The following RAPGEF2 variants were observed in gnomAD, a reference collection of about 807,000 sequenced individuals.
RAPGEF2 encodes the protein Rap guanine nucleotide exchange factor 2.
In RAPGEF2, 54 loss-of-function variants were observed where a neutral mutation model predicts 186.7. That is an observed-to-expected ratio of 0.29 (90% CI 0.23 to 0.36). RAPGEF2 has a LOEUF of 0.36. Ranked by LOEUF, RAPGEF2 falls within the 10% of genes least tolerant of loss-of-function variation. The pLI, the probability that RAPGEF2 is intolerant of heterozygous loss-of-function variation, is 1.00. For synonymous variants in RAPGEF2, 712 were observed against 705.9 expected (o/e 1.01, Z -0.14); for missense variants, 1,532 against 2,045.0 (o/e 0.75, Z 4.84).
intron 1 of RAPGEF2, among the ~76,000 whole-genome samples, chr4:159,126,830 C>CCCGAG (rs1444075001): frequency 6.6e-6 from 1 of 152,048 alleles, no homozygotes; most frequent in Non-Finnish European, 1.5e-5. Flanking sequence ...GAGGAAAAAA[C>CCCGAG]CCGAGTCCTC....
chr4:159,352,926 T>TAA lies in RAPGEF2; in HGVS notation c.4091+17_4091+18dup. 6.3e-7 allele frequency: 1 copy of TAA among 1,583,966 alleles called. No homozygotes were observed. The highest frequency in any genetic ancestry group is 8.6e-7 in the Non-Finnish European group (1 of 1,156,264). Reference sequence around the variant, plus strand: ...ATAGCTTGGGGTAGGTGGCTCTTTTTAATATTCTTCTGAATTTATCCTTCC... The same window carrying TAA: ...ATAGCTTGGGGTAGGTGGCTCTTTTTAAAATATTCTTCTGAATTTATCCTTCC... On this transcript the variant is annotated intron_variant, in intron 27 of 29. Coordinates refer to ENST00000691494, the MANE Select transcript of RAPGEF2 (RefSeq NM_001394067.2).
chr4:159,207,741 A>G (rs559884808), intron 3 of RAPGEF2, among the ~76,000 whole-genome samples: 1 of 152,356 alleles, frequency 6.6e-6, no homozygotes, highest in East Asian at 1.9e-4. Flanking sequence ...CTGTAAAAAC[A>G]GATTTTAAAA....
intron 4 of RAPGEF2, among the ~76,000 whole-genome samples, chr4:159,218,199 G>A (rs963299093): frequency 1.3e-5 from 2 of 152,182 alleles, no homozygotes; most frequent in Non-Finnish European, 2.9e-5. Flanking sequence ...GTGTATTCAC[G>A]TAAGATTTAC....
rs1329075392 is a variant in RAPGEF2, at chr4:159,323,586, G to C, written c.1118G>C (p.Gly373Ala). ...ACCATGGACAAAGAATACATGAAAGGAGTGATGAGAACAAAGGTGGATGAC... is the reference window on the plus strand; with the variant it reads ...ACCATGGACAAAGAATACATGAAAGCAGTGATGAGAACAAAGGTGGATGAC... ...SPTMDKEYMK[G>A]VMRTKVDDCQ... Residue 373 changes from glycine to alanine, a missense_variant, in exon 11 of 30, where the codon GGA becomes GCA. Gly to Ala is a moderately conservative substitution (Grantham distance 60, BLOSUM62 0). Around this residue, in one of 4 missense-constraint regions of RAPGEF2, gnomAD observed 810 missense variants for 1,210.5 expected, o/e 0.67. Transcript: ENST00000691494. 1 of 1,607,384 alleles carries C rather than the reference G, an allele frequency of 6.2e-7. No homozygotes were observed. Among genetic ancestry groups the C allele is most frequent in the East Asian group, 2.3e-5 (1 of 44,396 alleles).
At chr4:159,348,309 T>G (rs899654941) in intron 25 of RAPGEF2, among the ~76,000 whole-genome samples, 32 of 151,906 alleles carry the variant, frequency 2.1e-4, no homozygotes, top group African/African-American at 7.3e-4. Context: ...TATAGAGAGA[T>G]AGATAGCAAA....
chr4:159,193,743 G>T (rs934112564), intron 3 of RAPGEF2, among the ~76,000 whole-genome samples: 1 of 152,168 alleles, frequency 6.6e-6, no homozygotes, highest in Non-Finnish European at 1.5e-5. Context: ...CTTAAGAAAA[G>T]ACAGCGTATT....
intron 1 of RAPGEF2, among the ~76,000 whole-genome samples, chr4:159,186,219 T>A (rs955910078): frequency 6.6e-6 from 1 of 151,988 alleles, no homozygotes; most frequent in Non-Finnish European, 1.5e-5. Flanking sequence ...AAAAATTGAA[T>A]TTATATCCAT....
intron 1 of RAPGEF2, among the ~76,000 whole-genome samples, chr4:159,135,083 G>A (rs1050899096): frequency 3.3e-5 from 5 of 152,044 alleles, no homozygotes; most frequent in African/African-American, 1.2e-4. Context: ...TCACTCCGTT[G>A]CCCAGGCTGG....
intron 12 of RAPGEF2, 43 bp from the exon 13 acceptor site, chr4:159,330,291 G>A: frequency 1.0e-6 from 1 of 978,360 alleles, no homozygotes; most frequent in Non-Finnish European, 1.5e-6. Context: ...GTGTGTGTGT[G>A]TGTGTATATA....
At chr4:159,249,072 C>T (rs1032424169) in intron 7 of RAPGEF2, among the ~76,000 whole-genome samples, 4 of 152,138 alleles carry the variant, frequency 2.6e-5, no homozygotes, top group Non-Finnish European at 4.4e-5. Context: ...ATTTATTTGT[C>T]GAAAAGATCA....
chr4:159,104,489 C>CGAGAGAGAGAGAGAGAGAGAGA (rs553251268), intron 1 of RAPGEF2, among the ~76,000 whole-genome samples: 39 of 88,794 alleles, frequency 4.4e-4, no homozygotes, highest in South Asian at 1.8e-3. Flanking sequence ...GTTGCCCAGC[C>CGAGAGAGAGAGAGAGAGAGAGA]GAGAGAGAGA....
At chr4:159,114,529 G>C (rs1738837242) in intron 1 of RAPGEF2, among the ~76,000 whole-genome samples, 1 of 152,152 alleles carries the variant, frequency 6.6e-6, no homozygotes, top group Non-Finnish European at 1.5e-5. Context: ...GAGCCACCTT[G>C]CTTGGCCAGA....
At chr4:159,308,416 G>A (rs556163201) in intron 8 of RAPGEF2, among the ~76,000 whole-genome samples, 16 of 152,306 alleles carry the variant, frequency 1.1e-4, no homozygotes, top group African/African-American at 3.8e-4. Flanking sequence ...CTTTGAATCT[G>A]AACTTAAAAT....
At chr4:159,237,617 C>A (rs1753421425) in intron 4 of RAPGEF2, among the ~76,000 whole-genome samples, 1 of 151,824 alleles carries the variant, frequency 6.6e-6, no homozygotes, top group African/African-American at 2.4e-5. Flanking sequence ...CTCACAGTGC[C>A]TAATTAACTT....
intron 20 of RAPGEF2, 125 bp downstream of exon 20, chr4:159,342,072 C>T (rs1231385707): frequency 2.1e-6 from 2 of 960,562 alleles, no homozygotes; most frequent in Non-Finnish European, 3.0e-6. Flanking sequence ...AGAGACAATT[C>T]TTTTTCTCTG....
At chr4:159,297,597 T>TATAA (rs1262677127) in intron 7 of RAPGEF2, among the ~76,000 whole-genome samples, 1 of 152,218 alleles carries the variant, frequency 6.6e-6, no homozygotes, top group African/African-American at 2.4e-5. Context: ...TTCCTCTCCA[T>TATAA]ATAAATACAT....
At chr4:159,151,425 ATTTG>A (rs1374155408) in intron 1 of RAPGEF2, among the ~76,000 whole-genome samples, 1 of 152,160 alleles carries the variant, frequency 6.6e-6, no homozygotes, top group Non-Finnish European at 1.5e-5. Context: ...TAGGTTGTTT[ATTTG>A]TTTGTTTTTG....
intron 1 of RAPGEF2, among the ~76,000 whole-genome samples, chr4:159,143,046 A>C (rs1742514846): frequency 6.6e-6 from 1 of 152,232 alleles, no homozygotes; most frequent in South Asian, 2.1e-4. Context: ...TTTAAACATT[A>C]ATAAACTTCC....
intron 7 of RAPGEF2, among the ~76,000 whole-genome samples, chr4:159,275,065 G>GTGTA (rs1758665914): frequency 6.9e-6 from 1 of 144,856 alleles, no homozygotes; most frequent in Admixed American, 6.7e-5. Context: ...GTGTGTGTGT[G>GTGTA]TGTGTGTGTG....
Sources: allele counts gnomAD v4.1 joint callset (sites outside exome capture counted in the v4.1 genomes callset), GRCh38; gene constraint gnomAD v4.1.1; regional missense constraint gnomAD v4.1.1; transcripts MANE v1.5; gene names NCBI Gene and HGNC (gene_info 2026-07-23, HGNC 2026-07-21).